Variants in DCBLD1 observed in about 807,000 individuals in gnomAD.
DCBLD1 encodes discoidin, CUB and LCCL domain containing 1, also known as discoidin, CUB and LCCL domain-containing protein 1.
Under a neutral mutation model 71.5 loss-of-function variants are expected in DCBLD1, and 57 were observed. The observed-to-expected ratio is 0.80, with a 90% CI of 0.64 to 0.99. DCBLD1 has a LOEUF of 0.99. Among genes scored for constraint, DCBLD1 ranks in the 50% least tolerant of loss-of-function variants. DCBLD1 has a pLI of 0.00. For synonymous variants in DCBLD1, 380 were observed against 363.8 expected, an observed-to-expected ratio of 1.04 and a Z score of -0.51; for missense variants, 891 against 923.5, an observed-to-expected ratio of 0.96 and a Z score of 0.46.
chr6:117,512,033 G>A (rs1778040470), intron 2 of DCBLD1, among the ~76,000 whole-genome samples: 1 of 152,178 alleles, frequency 6.6e-6, no homozygotes, highest in African/African-American at 2.4e-5. Flanking sequence ...CAGCCAGAAT[G>A]CTGTACTCTA....
intron 1 of DCBLD1, among the ~76,000 whole-genome samples, chr6:117,498,090 T>G (rs1248738225): frequency 6.6e-6 from 1 of 152,212 alleles, no homozygotes; most frequent in Non-Finnish European, 1.5e-5. Flanking sequence ...TTAGATTGTT[T>G]CCAAATGTTC....
chr6:117,539,184 C>T, intron 8 of DCBLD1, 71 bp from the exon 9 acceptor site: 1 of 1,344,590 alleles, frequency 7.4e-7, no homozygotes, highest in Non-Finnish European at 1.0e-6. Context: ...AAAAATGAAA[C>T]TTGAAATTAT....
rs143187881 is a variant in DCBLD1 at position 117,560,390 on chromosome 6, C to T, written c.1616-9230C>T. 58 of 185,176 alleles carry T rather than the reference C, an allele frequency of 3.1e-4. No homozygotes were observed. In the East Asian group the frequency reaches 5.0e-3, roughly 16 times the overall value. 11.5% of individuals were successfully genotyped at this position (185,176 alleles called of 1,614,324 possible). A position where few individuals can be genotyped will look rare whatever the true frequency, so the allele number is the denominator to read the frequency against. On this transcript the variant is annotated intron_variant, in intron 14 of 14. Transcript: ENST00000296955. ...ATATTAAACTCAACTAGATATAATA[C>T]ATTATCATAAATGCAATAGATTTGA...
chr6:117,555,870 A>G (rs967816647), intron 14 of DCBLD1, among the ~76,000 whole-genome samples: 3 of 152,240 alleles, frequency 2.0e-5, no homozygotes, highest in African/African-American at 7.2e-5. Context: ...CTGAAAGCTG[A>G]CAATTTTATC....
chr6:117,547,662 C>A, intron 14 of DCBLD1: 1 of 769,010 alleles, frequency 1.3e-6, no homozygotes, highest in Non-Finnish European at 2.3e-6. Context: ...TGCCCCAGGA[C>A]GTCGTCGTCG....
chr6:117,486,862 C>A (rs542935120), intron 1 of DCBLD1, among the ~76,000 whole-genome samples: 1 of 152,322 alleles, frequency 6.6e-6, no homozygotes, highest in Admixed American at 6.5e-5. Context: ...ATGTGAGCAA[C>A]AGGTAATGGA....
chr6:117,538,332 T>G (rs921575690), intron 7 of DCBLD1, among the ~76,000 whole-genome samples: 3 of 152,200 alleles, frequency 2.0e-5, no homozygotes, highest in African/African-American at 7.2e-5. Flanking sequence ...AGGATGAATA[T>G]AGAAGGTTAG....
In DCBLD1 at chr6:117,537,071, A is replaced by C. The variant is rs1778905416; in HGVS notation, c.720-114A>C. Reference sequence around the variant, plus strand: ...GTAGGTTTGCAGGGGTGTTGTGAGGATCATGTAAGGAAGCACAGGTGGGAA... The same window carrying C: ...GTAGGTTTGCAGGGGTGTTGTGAGGCTCATGTAAGGAAGCACAGGTGGGAA... On this transcript the variant is annotated intron_variant, in intron 6 of 14. Coordinates refer to ENST00000338728, the MANE Select transcript of DCBLD1 (RefSeq NM_001366458.2). 3 of 975,520 alleles carry C rather than the reference A, an allele frequency of 3.1e-6. No homozygotes were observed. In the East Asian group the frequency reaches 7.3e-5, roughly 24 times the overall value. 60.4% of individuals were successfully genotyped at this position (975,520 alleles called of 1,614,324 possible).
At chr6:117,559,069 G>GAT (rs746913330) in intron 14 of DCBLD1, among the ~76,000 whole-genome samples, 9 of 152,148 alleles carry the variant, frequency 5.9e-5, no homozygotes, top group Non-Finnish European at 1.2e-4. Context: ...CCAACGACTA[G>GAT]ATAAACTATA....
intron 5 of DCBLD1, among the ~76,000 whole-genome samples, chr6:117,529,381 C>G (rs1778642688): frequency 6.6e-6 from 1 of 152,032 alleles, no homozygotes; most frequent in Non-Finnish European, 1.5e-5. Flanking sequence ...CCAGCAAATT[C>G]TGCCCAGCTG....
intron 2 of DCBLD1, 90 bp from the exon 3 acceptor site, chr6:117,519,726 A>C (rs1218694423): frequency 1.3e-6 from 2 of 1,524,456 alleles, no homozygotes; most frequent in African/African-American, 2.7e-5. Flanking sequence ...TGTCTAGTAA[A>C]TTTGGCCTTT....
intron 1 of DCBLD1, among the ~76,000 whole-genome samples, chr6:117,501,332 CATT>C (rs145033886): frequency 0.3 from 45,963 of 151,606 alleles, 8,326 homozygotes; most frequent in African/African-American, 0.52. Flanking sequence ...TTTCAGTTGT[CATT>C]GTTGTTGTTG....
chr6:117,486,370 G>T (rs1777085619), intron 1 of DCBLD1, among the ~76,000 whole-genome samples: 1 of 152,140 alleles, frequency 6.6e-6, no homozygotes. Flanking sequence ...ACGTATTAGA[G>T]CAATTAGTTG....
chr6:117,547,731 G>C (rs1779316647), intron 14 of DCBLD1, 176 bp from the exon 15 acceptor site: 1 of 1,373,844 alleles, frequency 7.3e-7, no homozygotes, highest in Non-Finnish European at 1.0e-6. Context: ...GTTGTGTACT[G>C]CCTGCGGGTG....
intron 11 of DCBLD1, among the ~76,000 whole-genome samples, chr6:117,541,608 A>G (rs1014365319): frequency 6.6e-6 from 1 of 152,236 alleles, no homozygotes; most frequent in African/African-American, 2.4e-5. Context: ...AAATAACATT[A>G]AAAGTACATT....
chr6:117,515,299 G>C (rs1209997067), intron 2 of DCBLD1, among the ~76,000 whole-genome samples: 1 of 152,110 alleles, frequency 6.6e-6, no homozygotes, highest in African/African-American at 2.4e-5. Flanking sequence ...TGGGATTACA[G>C]GCGTGAGCCA....
rs1175971851 is a variant in DCBLD1, at chr6:117,548,092, G to A, written c.1801G>A (p.Ala601Thr). ...CCTGGCGCCCCCGGAGCCCGAGTACGCCACGCCCATCGTGGAGCGGCACGT... is the reference window on the plus strand; with the variant it reads ...CCTGGCGCCCCCGGAGCCCGAGTACACCACGCCCATCGTGGAGCGGCACGT... ...LPLAPPEPEYATPIVERHVLR... is the reference protein window; with the variant it reads ...LPLAPPEPEYTTPIVERHVLR... Residue 601 changes from alanine to threonine, a missense_variant, in exon 15 of 15, where the codon GCC becomes ACC. Ala to Thr is a moderately conservative substitution (Grantham distance 58, BLOSUM62 0). Coordinates refer to ENST00000338728, the MANE Select transcript of DCBLD1 (RefSeq NM_001366458.2). The A allele has an allele frequency of 9.0e-6, 14 of 1,549,266 alleles. No individual in the cohort carries two copies. The highest frequency in any genetic ancestry group is 2.4e-5 in the South Asian group (2 of 83,976).
chr6:117,550,751 CA>C (rs1779414274), downstream of DCBLD1, among the ~76,000 whole-genome samples: 1 of 152,178 alleles, frequency 6.6e-6, no homozygotes, highest in Non-Finnish European at 1.5e-5. Context: ...CCACTCTGAC[CA>C]GTCACAGCAG....
chr6:117,502,149 C>T (rs556505741), intron 1 of DCBLD1, among the ~76,000 whole-genome samples: 1 of 152,328 alleles, frequency 6.6e-6, no homozygotes, highest in Non-Finnish European at 1.5e-5. Context: ...GGTTGATCAT[C>T]TTTTTCTAAT....
Sources: gnomAD v4.1 joint callset for allele counts (sites outside exome capture counted in the v4.1 genomes callset) on GRCh38, gnomAD v4.1.1 for gene constraint, MANE v1.5 for transcripts, NCBI Gene and HGNC (gene_info 2026-07-23, HGNC 2026-07-21) for gene names.